The following SGIP1 variants were observed in gnomAD, a reference collection of about 807,000 sequenced individuals.
SGIP1 encodes SH3-containing GRB2-like protein 3-interacting protein 1.
SGIP1 carries 38 observed loss-of-function variants against 107.5 expected under a neutral mutation model. The ratio of observed to expected loss-of-function variants is 0.35; its 90% CI spans 0.27 to 0.46. The LOEUF (loss-of-function observed/expected upper bound fraction) is 0.46, where lower values mean the gene tolerates loss of function less well. Among genes scored for constraint, SGIP1 ranks in the 20% least tolerant of loss-of-function variants. The pLI is 1.00. For missense variants in SGIP1, 929 were observed against 1,019.5 expected (o/e 0.91, Z 1.21); for synonymous variants, 365 against 366.1 (o/e 1.00, Z 0.03).
intron 8 of SGIP1, 147 bp from the exon 9 acceptor site, chr1:66,667,383 C>G: frequency 1.3e-6 from 1 of 772,230 alleles, no homozygotes. Context: ...GCCCTAAACA[C>G]TAGGACTGCC....
chr1:66,639,407 G>A (rs1270019027), intron 4 of SGIP1, among the ~76,000 whole-genome samples: 4 of 152,108 alleles, frequency 2.6e-5, no homozygotes, highest in East Asian at 1.9e-4. Context: ...AGGTAAAAGT[G>A]TTACCATTTA....
chr1:66,564,394 G>A (rs1315803641), intron 1 of SGIP1, among the ~76,000 whole-genome samples: 1 of 151,920 alleles, frequency 6.6e-6, no homozygotes, highest in Non-Finnish European at 1.5e-5. Flanking sequence ...AGAGTGACCG[G>A]ATGAAGTTAG....
chr1:66,581,814 T>C (rs1170168970), intron 1 of SGIP1, among the ~76,000 whole-genome samples: 3 of 152,052 alleles, frequency 2.0e-5, no homozygotes, highest in Admixed American at 2.0e-4. Context: ...AATTCACCAC[T>C]AAAAAAGAAG....
At chr1:66,592,891 CTTCTTCTTT>C (rs2063887480) in intron 1 of SGIP1, among the ~76,000 whole-genome samples, 1 of 105,592 alleles carries the variant, frequency 9.5e-6, no homozygotes, top group African/African-American at 3.7e-5. Flanking sequence ...TTTCTTTCTT[CTTCTTCTTT>C]TTTTTTTTTT....
At chr1:66,655,162 A>G (rs545594101) in intron 7 of SGIP1, among the ~76,000 whole-genome samples, 29 of 152,220 alleles carry the variant, frequency 1.9e-4, no homozygotes, top group Non-Finnish European at 3.7e-4. Flanking sequence ...ATTGGAGCAG[A>G]GTAAAGCCAA....
intron 18 of SGIP1, among the ~76,000 whole-genome samples, chr1:66,708,003 C>T (rs75019572): frequency 0.013 from 1,908 of 152,276 alleles, 20 homozygotes; most frequent in Non-Finnish European, 0.019. Context: ...TGGGGTGATA[C>T]TTCTGCTTTG....
rs2094518981 is a variant in SGIP1 at position 66,743,867 on chromosome 1, G to C, written c.*772G>C. The C allele has an allele frequency of 6.6e-6, 1 of 152,532 alleles. No individual in the cohort carries two copies. Among genetic ancestry groups the C allele is most frequent in the Admixed American group, 6.5e-5 (1 of 15,280 alleles). 9.4% of individuals were successfully genotyped at this position (152,532 alleles called of 1,614,324 possible). A position where few individuals can be genotyped will look rare whatever the true frequency, so the allele number is the denominator to read the frequency against. ...TAAGTATATTAAATTATAATCAAGA[G>C]TAAAGAAGATGTTGAAGTCTTAACT... is the stretch of plus-strand genomic sequence containing the variant. On this transcript the variant is annotated 3_prime_UTR_variant, in exon 25 of 25. Coordinates refer to ENST00000371037, the MANE Select transcript of SGIP1 (RefSeq NM_032291.4).
At chr1:66,731,848 A>G (rs2150603513) in intron 20 of SGIP1, among the ~76,000 whole-genome samples, 1 of 152,304 alleles carries the variant, frequency 6.6e-6, no homozygotes, top group Non-Finnish European at 1.5e-5. Flanking sequence ...TGCAATCCCT[A>G]TGACAGGGGC....
chr1:66,612,046 C>T (rs928575493), intron 1 of SGIP1, among the ~76,000 whole-genome samples: 5 of 152,076 alleles, frequency 3.3e-5, no homozygotes, highest in South Asian at 2.1e-4. Context: ...ATTTGGCTTT[C>T]GGTTCTGCAG....
chr1:66,697,103 G>A (rs939244006), intron 18 of SGIP1, among the ~76,000 whole-genome samples: 4 of 152,088 alleles, frequency 2.6e-5, no homozygotes, highest in Non-Finnish European at 2.9e-5. Context: ...GTTTTTTGTT[G>A]TTTGTTTTGG....
intron 7 of SGIP1, among the ~76,000 whole-genome samples, chr1:66,659,377 A>G: frequency 6.6e-6 from 1 of 152,198 alleles, no homozygotes; most frequent in South Asian, 2.1e-4. Context: ...TATGAAGAAT[A>G]GGGGAAAATT....
chr1:66,597,178 A>T (rs1570336624), intron 1 of SGIP1, among the ~76,000 whole-genome samples: 1 of 152,172 alleles, frequency 6.6e-6, no homozygotes, highest in African/African-American at 2.4e-5. Context: ...CTAGTACCCA[A>T]TAGTTACTTT....
At chr1:66,631,736 G>A (rs1323247818) in intron 2 of SGIP1, among the ~76,000 whole-genome samples, 1 of 121,474 alleles carries the variant, frequency 8.2e-6, no homozygotes, top group African/African-American at 3.2e-5. Flanking sequence ...TCTTCTCACG[G>A]GCTCCCTGCC....
At chr1:66,696,868 C>T (rs1027704973) in intron 18 of SGIP1, among the ~76,000 whole-genome samples, 3 of 152,154 alleles carry the variant, frequency 2.0e-5, no homozygotes, top group Admixed American at 2.0e-4. Context: ...TTAGTAAGTG[C>T]CCAGGTATTT....
chr1:66,712,464 G>A (rs2092981033), intron 18 of SGIP1, among the ~76,000 whole-genome samples: 1 of 152,150 alleles, frequency 6.6e-6, no homozygotes, highest in Admixed American at 6.5e-5. Context: ...GAAGTGCATA[G>A]GAGGCAACCT....
intron 1 of SGIP1, among the ~76,000 whole-genome samples, chr1:66,561,949 G>A (rs1054928406): frequency 6.6e-6 from 1 of 151,974 alleles, no homozygotes; most frequent in East Asian, 1.9e-4. Flanking sequence ...TTTGCTTCCC[G>A]TTTTCATCAT....
chr1:66,730,385 A>T (rs2093952830), intron 20 of SGIP1, among the ~76,000 whole-genome samples: 1 of 152,166 alleles, frequency 6.6e-6, no homozygotes, highest in Non-Finnish European at 1.5e-5. Flanking sequence ...TCAATTATAC[A>T]AGTTAATTAT....
At chr1:66,540,253 T>A in intron 1 of SGIP1, among the ~76,000 whole-genome samples, 1 of 152,186 alleles carries the variant, frequency 6.6e-6, no homozygotes, top group East Asian at 1.9e-4. Context: ...AAATAGTTCA[T>A]TTGAAAATAT....
Position 66,589,214 on chromosome 1 carries a change from A to ATGTGTGTGTGTGTGTGTGTG in SGIP1, c.11-36632_11-36631insGTGTGTGTGTGTGTGTGTGT, listed in dbSNP as rs1456083520. On this transcript the variant is annotated intron_variant, in intron 1 of 24. Transcript: ENST00000371037. ...TATATATATATATATATATATATAT[A>ATGTGTGTGTGTGTGTGTGTG]TATGTAAGGCTTGGGGTAAAGAGAA... 7.2e-4 allele frequency among the ~76,000 whole-genome samples: 66 copies of ATGTGTGTGTGTGTGTGTGTG among 91,358 alleles called. 4 individuals are homozygous for ATGTGTGTGTGTGTGTGTGTG. Among genetic ancestry groups the ATGTGTGTGTGTGTGTGTGTG allele is most frequent in the East Asian group, 4.4e-3 (15 of 3,396 alleles). 59.9% of individuals were successfully genotyped at this position (91,358 alleles called of 152,430 possible). A position where few individuals can be genotyped will look rare whatever the true frequency, so the allele number is the denominator to read the frequency against.
Sources: gnomAD v4.1 joint callset for allele counts (sites outside exome capture counted in the v4.1 genomes callset) on GRCh38, gnomAD v4.1.1 for gene constraint, MANE v1.5 for transcripts, NCBI Gene and HGNC (gene_info 2026-07-23, HGNC 2026-07-21) for gene names.